The following IPO5 variants were observed in gnomAD, a reference collection of about 807,000 sequenced individuals.
The protein encoded by IPO5 is importin 5.
A neutral mutation model predicts 143.3 loss-of-function variants in IPO5; 18 were observed. That is an observed-to-expected ratio of 0.13 (90% CI 0.09 to 0.19). IPO5 has a LOEUF of 0.19. Ranked by LOEUF, IPO5 falls within the 10% of genes least tolerant of loss-of-function variation. IPO5 has a pLI of 1.00. For missense variants in IPO5, 1,013 were observed against 1,336.9 expected, an observed-to-expected ratio of 0.76 and a Z score of 3.78; for synonymous variants, 477 against 465.7, an observed-to-expected ratio of 1.02 and a Z score of -0.31.
intron 16 of IPO5, among the ~76,000 whole-genome samples, chr13:98,005,799 T>G (rs1889191244): frequency 6.6e-6 from 1 of 151,794 alleles, no homozygotes; most frequent in African/African-American, 2.4e-5. Context: ...AAGAAAAAAA[T>G]GAGGATGAAG....
intron 4 of IPO5, among the ~76,000 whole-genome samples, chr13:97,981,763 A>G (rs1383876564): frequency 1.3e-5 from 2 of 152,242 alleles, no homozygotes; most frequent in Non-Finnish European, 2.9e-5. Context: ...TTCTCTGGAC[A>G]GCATATAGTT....
At chr13:97,973,828 G>C (rs1233092309) in intron 3 of IPO5, among the ~76,000 whole-genome samples, 1 of 152,170 alleles carries the variant, frequency 6.6e-6, no homozygotes. Context: ...CTAGCACTTT[G>C]GGAGGCCAAA....
intron 11 of IPO5, among the ~76,000 whole-genome samples, chr13:97,995,948 G>A (rs146785169): frequency 2.6e-5 from 4 of 152,072 alleles, no homozygotes; most frequent in South Asian, 2.1e-4. Context: ...TGGCAAATGC[G>A]AAAACAATTT....
At chr13:97,980,536 A>G (rs1029226654) in intron 4 of IPO5, among the ~76,000 whole-genome samples, 1 of 152,200 alleles carries the variant, frequency 6.6e-6, no homozygotes, top group Admixed American at 6.6e-5. Context: ...ATAGCCTAGT[A>G]GAGAAGTTTA....
intron 4 of IPO5, among the ~76,000 whole-genome samples, chr13:97,980,671 T>TA (rs1373402311): frequency 6.7e-6 from 1 of 150,318 alleles, no homozygotes; most frequent in Admixed American, 6.6e-5. Context: ...CTACTAAAAA[T>TA]AAAAAATTAG....
chr13:98,003,592 G>C (rs1320369792), intron 16 of IPO5, among the ~76,000 whole-genome samples: 1 of 152,120 alleles, frequency 6.6e-6, no homozygotes, highest in Non-Finnish European at 1.5e-5. Context: ...GCTCATCCCC[G>C]TAATCCCAGC....
intron 6 of IPO5, among the ~76,000 whole-genome samples, chr13:97,988,601 A>G (rs1205135777): frequency 6.6e-6 from 1 of 152,244 alleles, no homozygotes; most frequent in Non-Finnish European, 1.5e-5. Context: ...CAGCCTGGCC[A>G]TCATGGCCAA....
At chr13:98,003,085 G>T in intron 16 of IPO5, 48 bp downstream of exon 16, 2 of 1,459,142 alleles carry the variant, frequency 1.4e-6, no homozygotes, top group African/African-American at 2.8e-5. Flanking sequence ...GATTAATTTG[G>T]GTTGATTTGA....
At chr13:97,967,590 G>A (rs2139532815) in intron 2 of IPO5, among the ~76,000 whole-genome samples, 1 of 152,056 alleles carries the variant, frequency 6.6e-6, no homozygotes, top group Non-Finnish European at 1.5e-5. Context: ...ATAAATTTTG[G>A]TATCTTATAT....
At chr13:97,996,763 C>T (rs552418049) in intron 11 of IPO5, among the ~76,000 whole-genome samples, 7 of 152,038 alleles carry the variant, frequency 4.6e-5, no homozygotes, top group Non-Finnish European at 8.8e-5. Context: ...CCACCACACC[C>T]GGCTAATTTT....
Position 98,019,725 on chromosome 13 carries a change from C to T in IPO5, c.2981C>T (p.Pro994Leu). 6.2e-7 allele frequency: 1 copy of T among 1,613,938 alleles called. No individual in the cohort carries two copies. The highest frequency in any genetic ancestry group is 8.5e-7 in the Non-Finnish European group (1 of 1,179,816). Residue 994 changes from proline (P) to leucine (L), a missense_variant, in exon 27 of 29, where the codon CCA becomes CTA. Transcript: ENST00000651721. ...PDCVNVEEVL[P>L]HWLSWLPLHE... is the part of the protein sequence containing the mutation. ...TGTGTAAACGTTGAAGAGGTCCTTC[C>T]ACACTGGTTGTCTTGGCTTCCACTA...
rs777565297 is a variant in IPO5 at position 97,989,080 on chromosome 13, A to G, written c.383A>G (p.Gln128Arg). ...RNLIDEDGNN[Q>R]WPEGLKFLFD... Reference sequence around the variant, plus strand: ...CTTTCAGATGAGGATGGCAATAACCAGTGGCCCGAAGGTTTGAAGTTCCTT... The same window carrying G: ...CTTTCAGATGAGGATGGCAATAACCGGTGGCCCGAAGGTTTGAAGTTCCTT... The change falls in exon 7 of 29, where the codon CAG becomes CGG. Residue 128 changes from glutamine to arginine, a missense_variant. Gln to Arg is a conservative substitution (Grantham distance 43). Transcript: ENST00000651721. 21 of 1,611,650 alleles carry G rather than the reference A, an allele frequency of 1.3e-5. No individual in the cohort carries two copies. The highest frequency in any genetic ancestry group is 8.0e-5 in the African/African-American group (6 of 74,892).
rs758346827 is a variant in IPO5, at chr13:98,022,980, A to G, written c.*1158A>G. 2.6e-5 allele frequency: 4 copies of G among 152,676 alleles called. No homozygotes were observed. The highest frequency in any genetic ancestry group is 4.4e-5 in the Non-Finnish European group (3 of 68,042). 9.5% of individuals were successfully genotyped at this position (152,676 alleles called of 1,614,324 possible). A position where few individuals can be genotyped will look rare whatever the true frequency, so the allele number is the denominator to read the frequency against. On this transcript the variant is annotated 3_prime_UTR_variant, in exon 29 of 29. Transcript: ENST00000651721. Reference sequence around the variant, plus strand: ...TTAATAGACTTCTGTTGAAAACTTCAGTGTTAACATTTTTATAGTTTGTAC... The same window carrying G: ...TTAATAGACTTCTGTTGAAAACTTCGGTGTTAACATTTTTATAGTTTGTAC...
At chr13:97,974,925 T>C (rs1886140359) in intron 3 of IPO5, among the ~76,000 whole-genome samples, 1 of 152,212 alleles carries the variant, frequency 6.6e-6, no homozygotes, top group South Asian at 2.1e-4. Flanking sequence ...AAATCTTGGC[T>C]GGCCATCCCA....
At chr13:97,985,690 T>C (rs1887281971) in intron 6 of IPO5, 77 bp downstream of exon 6, 7 of 952,342 alleles carry the variant, frequency 7.4e-6, no homozygotes, top group South Asian at 2.9e-5. Flanking sequence ...TGGAATCTTT[T>C]AGAGTAAGAT....
chr13:97,997,463 G>A (rs571077738), intron 11 of IPO5, 68 bp from the exon 12 acceptor site: 2 of 806,326 alleles, frequency 2.5e-6, no homozygotes, highest in East Asian at 2.9e-5. Context: ...TAAAATTCTT[G>A]TTTATAAATA....
chr13:97,988,071 C>T lies in IPO5; in HGVS notation c.365-991C>T, dbSNP rs113099708. The T allele has an allele frequency of 3.2e-3, 723 of 224,524 alleles. 8 individuals are homozygous for T. The highest frequency in any genetic ancestry group is 9.1e-3 in the Middle Eastern group (19 of 2,084). The allele number at this position is 224,524 out of a possible 1,614,324, so 13.9% of individuals were successfully genotyped here. ...TCACAAAAGTTCAAATATCGGGGGA[C>T]GTTTAAAAAGAAAACATCTGTAATT... is the stretch of plus-strand genomic sequence containing the variant. On this transcript the variant is annotated intron_variant, in intron 6 of 28. Coordinates refer to ENST00000651721, the MANE Select transcript of IPO5 (RefSeq NM_002271.6).
chr13:98,004,078 T>C (rs576300053), intron 16 of IPO5, among the ~76,000 whole-genome samples: 35 of 152,188 alleles, frequency 2.3e-4, no homozygotes, highest in Non-Finnish European at 4.3e-4. Flanking sequence ...CAGTTTATTG[T>C]CAAATGTTTA....
chr13:97,983,056 A>G (rs1250865234), intron 5 of IPO5, among the ~76,000 whole-genome samples: 1 of 152,154 alleles, frequency 6.6e-6, no homozygotes, highest in Non-Finnish European at 1.5e-5. Flanking sequence ...TTTTTAGTAG[A>G]GATGGGGTTT....
Sources: allele counts gnomAD v4.1 joint callset (sites outside exome capture counted in the v4.1 genomes callset), GRCh38; gene constraint gnomAD v4.1.1; transcripts MANE v1.5; gene names NCBI Gene and HGNC (gene_info 2026-07-23, HGNC 2026-07-21).